The following RBFOX1 variants were observed in gnomAD, a reference collection of about 807,000 sequenced individuals.
The protein encoded by RBFOX1 is RNA binding protein fox-1 homolog 1.
A neutral mutation model predicts 57.7 loss-of-function variants in RBFOX1; 8 were observed. The ratio of observed to expected loss-of-function variants is 0.14; its 90% CI spans 0.08 to 0.25. The LOEUF is 0.25. RBFOX1 is among the 10% of genes least tolerant of loss of function. The pLI is 1.00. For missense variants in RBFOX1, 611 were observed against 548.5 expected (o/e 1.11, Z -1.14); for synonymous variants, 326 against 222.4 (o/e 1.47, Z -4.15).
chr16:6,380,921 T>C (rs1302770070), intron 2 of RBFOX1, among the ~76,000 whole-genome samples: 1 of 152,020 alleles, frequency 6.6e-6, no homozygotes, highest in African/African-American at 2.4e-5. Context: ...AAACCAAAGG[T>C]CCTCATATTT....
intron 3 of RBFOX1, among the ~76,000 whole-genome samples, chr16:6,988,731 A>ATTTTTTTTTTTTTTT (rs111959126): frequency 2.2e-5 from 2 of 91,302 alleles, no homozygotes; most frequent in African/African-American, 1.1e-4. Flanking sequence ...CACCCAGCTA[A>ATTTTTTTTTTTTTTT]TTTTTTTTTT....
At chr16:7,110,186 TCA>T (rs2064422571) in intron 4 of RBFOX1, among the ~76,000 whole-genome samples, 1 of 36,002 alleles carries the variant, frequency 2.8e-5, no homozygotes, top group African/African-American at 1.0e-4. Context: ...CCCCCGTGTC[TCA>T]AAAAAAAAAA....
intron 1 of RBFOX1, among the ~76,000 whole-genome samples, chr16:5,342,160 A>G (rs2065046744): frequency 6.6e-6 from 1 of 152,232 alleles, no homozygotes; most frequent in Non-Finnish European, 1.5e-5. Context: ...CTTTGCATAT[A>G]TGTTCATTTC....
At chr16:7,483,763 G>C (rs1438228798) in intron 4 of RBFOX1, among the ~76,000 whole-genome samples, 2 of 152,216 alleles carry the variant, frequency 1.3e-5, no homozygotes, top group East Asian at 1.9e-4. Context: ...TGCATCCAGA[G>C]TTAAAAGCCA....
intron 2 of RBFOX1, among the ~76,000 whole-genome samples, chr16:5,587,978 G>A (rs1044972759): frequency 6.6e-6 from 1 of 152,116 alleles, no homozygotes; most frequent in Non-Finnish European, 1.5e-5. Context: ...CAGCAGATTC[G>A]TGGAAAAACA....
chr16:6,635,146 A>T (rs1167825077), intron 2 of RBFOX1, among the ~76,000 whole-genome samples: 4 of 147,094 alleles, frequency 2.7e-5, no homozygotes, highest in African/African-American at 9.9e-5. Flanking sequence ...TATTAAATGT[A>T]TATGATATGA....
chr16:7,491,451 C>A (rs531136707), intron 4 of RBFOX1, among the ~76,000 whole-genome samples: 1 of 138,244 alleles, frequency 7.2e-6, no homozygotes, highest in Non-Finnish European at 1.6e-5. Context: ...GGACTAGACA[C>A]ACCAAACATC....
rs557236427 is a variant in RBFOX1, at chr16:6,639,733, G to C, written c.-63-14870G>C. On this transcript the variant is annotated intron_variant, in intron 2 of 15. Coordinates refer to ENST00000550418, the MANE Select transcript of RBFOX1 (RefSeq NM_018723.4). ...CTACTAAAAATACAAAACCAAATTA[G>C]TTGGTCAAGGTGTTGGGCGCCTGTA... Among the ~76,000 whole-genome samples the C allele has an allele frequency of 7.9e-5, 12 of 152,220 alleles. No homozygotes were observed. The South Asian group carries it at 2.1e-3, about 26-fold the overall frequency.
chr16:6,547,106 A>C (rs1330938111), intron 2 of RBFOX1, among the ~76,000 whole-genome samples: 1 of 152,210 alleles, frequency 6.6e-6, no homozygotes, highest in Non-Finnish European at 1.5e-5. Context: ...ACTCTATTGC[A>C]TTGAGAATAA....
intron 4 of RBFOX1, among the ~76,000 whole-genome samples, chr16:7,056,672 C>T (rs960310101): frequency 2.0e-5 from 3 of 152,148 alleles, no homozygotes; most frequent in African/African-American, 7.2e-5. Context: ...CCAAAGCCCA[C>T]CTTTCTGAGC....
chr16:6,921,636 TATATA>T (rs1194959939), intron 3 of RBFOX1, among the ~76,000 whole-genome samples: 9 of 61,908 alleles, frequency 1.5e-4, no homozygotes, highest in Non-Finnish European at 2.5e-4. Context: ...TATATATATA[TATATA>T]TATATTTTTT....
intron 1 of RBFOX1, among the ~76,000 whole-genome samples, chr16:6,090,292 A>G (rs116002080): frequency 0.015 from 2,344 of 152,246 alleles, 47 homozygotes; most frequent in African/African-American, 0.054. Flanking sequence ...AATTCCACCT[A>G]TTCCCTTAAT....
chr16:7,444,395 G>T (rs1320603159), intron 4 of RBFOX1, among the ~76,000 whole-genome samples: 1 of 152,174 alleles, frequency 6.6e-6, no homozygotes, highest in African/African-American at 2.4e-5. Flanking sequence ...GCTTCAATGA[G>T]GGATGTCAAT....
At chr16:7,276,506 C>T (rs1208007498) in intron 4 of RBFOX1, among the ~76,000 whole-genome samples, 2 of 152,154 alleles carry the variant, frequency 1.3e-5, no homozygotes, top group Non-Finnish European at 2.9e-5. Flanking sequence ...TCCCTGATAG[C>T]AAGCAAAGGG....
At chr16:6,332,715 C>T (rs2083189018) in intron 2 of RBFOX1, among the ~76,000 whole-genome samples, 1 of 152,118 alleles carries the variant, frequency 6.6e-6, no homozygotes, top group Non-Finnish European at 1.5e-5. Context: ...CCTCTCCTAA[C>T]CATTTAGTGT....
chr16:6,696,625 A>G (rs528628506), intron 3 of RBFOX1, among the ~76,000 whole-genome samples: 2 of 152,328 alleles, frequency 1.3e-5, no homozygotes, highest in East Asian at 1.9e-4. Context: ...ATCAAATATT[A>G]TACTATATTC....
chr16:5,518,667 C>G (rs1421163717), intron 2 of RBFOX1, among the ~76,000 whole-genome samples: 1 of 152,166 alleles, frequency 6.6e-6, no homozygotes, highest in Non-Finnish European at 1.5e-5. Flanking sequence ...CTGGTTCTAC[C>G]TCCATTCCTC....
chr16:5,451,969 C>T (rs1212094088), intron 1 of RBFOX1, among the ~76,000 whole-genome samples: 14 of 152,114 alleles, frequency 9.2e-5, no homozygotes, highest in Non-Finnish European at 1.5e-5. Context: ...ATAAAATTCA[C>T]CATCAAATTG....
chr16:5,845,060 T>A (rs954476858), intron 3 of RBFOX1, among the ~76,000 whole-genome samples: 1 of 107,392 alleles, frequency 9.3e-6, no homozygotes, highest in Non-Finnish European at 1.8e-5. Context: ...TACCCGAGAT[T>A]CTTTTTTTTT....
Sources: gnomAD v4.1 joint callset for allele counts (sites outside exome capture counted in the v4.1 genomes callset) on GRCh38, gnomAD v4.1.1 for gene constraint, MANE v1.5 for transcripts, NCBI Gene and HGNC (gene_info 2026-07-23, HGNC 2026-07-21) for gene names.